Variants in PRKCA observed in about 807,000 individuals in gnomAD.
PRKCA encodes the protein protein kinase C alpha type.
Under a neutral mutation model 87.0 loss-of-function variants are expected in PRKCA, and 27 were observed. That is an observed-to-expected ratio of 0.31 (90% CI 0.23 to 0.43). The LOEUF is 0.43. PRKCA is among the 20% of genes least tolerant of loss of function. The probability of loss-of-function intolerance (pLI) is 1.00; values close to 1 mark genes in which losing one functional copy is unlikely to be tolerated. For synonymous variants in PRKCA, 329 were observed against 311.1 expected, an observed-to-expected ratio of 1.06 and a Z score of -0.61; for missense variants, 518 against 852.3, an observed-to-expected ratio of 0.61 and a Z score of 4.88.
intron 2 of PRKCA, among the ~76,000 whole-genome samples, chr17:66,372,114 C>T (rs972600591): frequency 6.6e-6 from 1 of 152,128 alleles, no homozygotes; most frequent in Non-Finnish European, 1.5e-5. Flanking sequence ...ATATGAGTCT[C>T]GTGGGGACTT....
intron 2 of PRKCA, among the ~76,000 whole-genome samples, chr17:66,426,385 A>C (rs1598662124): frequency 6.6e-6 from 1 of 152,176 alleles, no homozygotes; most frequent in African/African-American, 2.4e-5. Context: ...TTGACCATAA[A>C]GGTTAGGCAG....
At chr17:66,560,139 G>A (rs1040003134) in intron 3 of PRKCA, among the ~76,000 whole-genome samples, 3 of 152,140 alleles carry the variant, frequency 2.0e-5, no homozygotes, top group African/African-American at 7.2e-5. Flanking sequence ...TTGGAGAGCT[G>A]ATGGGGGTGT....
intron 2 of PRKCA, among the ~76,000 whole-genome samples, chr17:66,479,323 A>G (rs55931613): frequency 0.47 from 71,097 of 151,988 alleles, 18,016 homozygotes; most frequent in African/African-American, 0.66. Context: ...CACACCAGTC[A>G]GAATAGCTAT....
chr17:66,419,123 A>G (rs1912346582), intron 2 of PRKCA, among the ~76,000 whole-genome samples: 1 of 152,082 alleles, frequency 6.6e-6, no homozygotes, highest in East Asian at 1.9e-4. Flanking sequence ...TCTTGCGTAT[A>G]TACATGGGCT....
intron 8 of PRKCA, among the ~76,000 whole-genome samples, chr17:66,697,639 A>G (rs1215887995): frequency 1.3e-5 from 2 of 152,156 alleles, no homozygotes; most frequent in African/African-American, 4.8e-5. Context: ...CCTCACCCAG[A>G]TTGCTGAGAT....
intron 2 of PRKCA, among the ~76,000 whole-genome samples, chr17:66,439,084 C>T (rs1913570233): frequency 6.6e-6 from 1 of 152,220 alleles, no homozygotes; most frequent in Non-Finnish European, 1.5e-5. Context: ...GCATAAGGCA[C>T]TGTACTGAGC....
At chr17:66,527,714 C>T (rs564365177) in intron 3 of PRKCA, among the ~76,000 whole-genome samples, 2 of 152,254 alleles carry the variant, frequency 1.3e-5, no homozygotes, top group South Asian at 4.1e-4. Context: ...TTTTTAAGGA[C>T]TAAAATCACT....
At chr17:66,342,436 AAAAT>A (rs1440695262) in intron 2 of PRKCA, among the ~76,000 whole-genome samples, 2 of 110,092 alleles carry the variant, frequency 1.8e-5, no homozygotes, top group South Asian at 3.1e-4. Context: ...AAAATAAAAT[AAAAT>A]AAATAATAAT....
At chr17:66,760,382 A>G (rs148894460) in intron 13 of PRKCA, among the ~76,000 whole-genome samples, 69 of 152,370 alleles carry the variant, frequency 4.5e-4, no homozygotes, top group African/African-American at 1.5e-3. Context: ...GACTTATCAA[A>G]TGTTATACGG....
chr17:66,560,573 C>G (rs980160981), intron 3 of PRKCA, among the ~76,000 whole-genome samples: 1 of 152,142 alleles, frequency 6.6e-6, no homozygotes. Flanking sequence ...TCTGTTTTCT[C>G]TTCTGTAAGA....
At chr17:66,790,815 G>A (rs941797876) in intron 16 of PRKCA, among the ~76,000 whole-genome samples, 1 of 151,764 alleles carries the variant, frequency 6.6e-6, no homozygotes, top group Admixed American at 6.6e-5. Flanking sequence ...GTGGATACTC[G>A]GCCCTAAGCT....
At chr17:66,802,556 C>T (rs1975925012) in intron 16 of PRKCA, among the ~76,000 whole-genome samples, 1 of 151,992 alleles carries the variant, frequency 6.6e-6, no homozygotes, top group Admixed American at 6.6e-5. Context: ...TTCTCAAGCA[C>T]ACCTCCTAGA....
At chr17:66,324,475 T>C (rs1905860763) in intron 2 of PRKCA, among the ~76,000 whole-genome samples, 1 of 141,432 alleles carries the variant, frequency 7.1e-6, no homozygotes, top group African/African-American at 2.6e-5. Flanking sequence ...AAGCTGGGCA[T>C]GGTGGTGTGT....
chr17:66,436,648 C>T (rs991250630), intron 2 of PRKCA, among the ~76,000 whole-genome samples: 3 of 152,160 alleles, frequency 2.0e-5, no homozygotes, highest in African/African-American at 7.2e-5. Flanking sequence ...AAGAAAGGAT[C>T]TTGCTAATGG....
chr17:66,565,209 A>G (rs1044016089), intron 3 of PRKCA, among the ~76,000 whole-genome samples: 3 of 152,162 alleles, frequency 2.0e-5, no homozygotes, highest in African/African-American at 7.2e-5. Flanking sequence ...GGTCAGAATG[A>G]GTACTCAGGA....
intron 3 of PRKCA, among the ~76,000 whole-genome samples, chr17:66,526,197 A>G (rs1351887847): frequency 6.6e-6 from 1 of 152,246 alleles, no homozygotes; most frequent in South Asian, 2.1e-4. Flanking sequence ...ATGTGCCTAT[A>G]TGTATATCCG....
chr17:66,673,752 C>T (rs1356223844), intron 5 of PRKCA, among the ~76,000 whole-genome samples: 1 of 152,158 alleles, frequency 6.6e-6, no homozygotes, highest in Non-Finnish European at 1.5e-5. Flanking sequence ...GTTGATGACA[C>T]CTGTGCATTT....
At chr17:66,336,687 C>CCTATA in intron 2 of PRKCA, among the ~76,000 whole-genome samples, 2 of 149,166 alleles carry the variant, frequency 1.3e-5, no homozygotes, top group Middle Eastern at 6.9e-3. Flanking sequence ...TAAACATTTG[C>CCTATA]TATTCATATA....
chr17:66,373,474 C>T (rs1273332549), intron 2 of PRKCA, among the ~76,000 whole-genome samples: 3 of 152,220 alleles, frequency 2.0e-5, no homozygotes, highest in African/African-American at 7.2e-5. Flanking sequence ...AGTAGCTACA[C>T]ACTTTGTTTA....
Sources: gnomAD v4.1 joint callset for allele counts (sites outside exome capture counted in the v4.1 genomes callset) on GRCh38, gnomAD v4.1.1 for gene constraint, MANE v1.5 for transcripts, NCBI Gene and HGNC (gene_info 2026-07-23, HGNC 2026-07-21) for gene names.